VWA3A: variants seen among roughly 807,000 people sequenced by gnomAD.
The protein encoded by VWA3A is von Willebrand factor A domain-containing protein 3A.
A neutral mutation model predicts 160.4 loss-of-function variants in VWA3A; 134 were observed. The ratio of observed to expected loss-of-function variants is 0.84; its 90% CI spans 0.73 to 0.96. VWA3A has a LOEUF of 0.96. Among genes scored for constraint, VWA3A ranks in the 40% least tolerant of loss-of-function variants. The pLI, the probability that VWA3A is intolerant of heterozygous loss-of-function variation, is 0.00. For synonymous variants in VWA3A, 476 were observed against 543.4 expected (o/e 0.88, Z 1.72); for missense variants, 1,310 against 1,447.9 (o/e 0.90, Z 1.55).
In VWA3A at chr16:22,126,297, C is replaced by T. The variant is rs375466343; in HGVS notation, c.1652C>T (p.Ala551Val). The part of the protein sequence containing the change: ...LSNKDCFNLI[A>V]FGSTIESWRP... The stretch of plus-strand genomic sequence containing the variant: ...AACAAGGACTGTTTCAACCTCATCG[C>T]GTATGTGTCTCCTGGCTCCTGGGGG... The change falls in exon 17 of 34, where the codon GCG (alanine) becomes GTG (valine). Residue 551 changes from alanine (A) to valine (V), a missense_variant and splice_region_variant. Transcript: ENST00000389398. 38 of 1,610,666 alleles carry T rather than the reference C, an allele frequency of 2.4e-5. No homozygotes were observed. Among genetic ancestry groups the T allele is most frequent in the East Asian group, 4.5e-5 (2 of 44,788 alleles).
chr16:22,109,419 A>G, intron 6 of VWA3A, 63 bp from the exon 7 acceptor site: 1 of 1,335,796 alleles, frequency 7.5e-7, no homozygotes, highest in East Asian at 2.5e-5. Flanking sequence ...GGCACAGAGC[A>G]GCTCAGTGTA....
chr16:22,121,541 T>C lies in VWA3A; in HGVS notation c.1280T>C (p.Leu427Pro). Reference sequence around the variant, plus strand: ...AAGAAATTAAGTCTATATCAGGTCCTGGCACCCAATGCATTCTCTCCTGTG... The same window carrying C: ...AAGAAATTAAGTCTATATCAGGTCCCGGCACCCAATGCATTCTCTCCTGTG... ...KAKKLSLYQV[L>P]APNAFSPVEE... The change falls in exon 14 of 34, where the codon CTG (leucine) becomes CCG (proline). Residue 427 changes from leucine (L) to proline (P), a missense_variant. Physicochemically the swap from Leu to Pro is moderately conservative, Grantham distance 98. Coordinates refer to ENST00000389398, the MANE Select transcript of VWA3A (RefSeq NM_173615.5). The C allele has an allele frequency of 6.2e-7, 1 of 1,613,762 alleles. No homozygotes were observed.
chr16:22,121,184 A>T (rs1193763161), intron 13 of VWA3A, 81 bp downstream of exon 13: 10 of 1,590,978 alleles, frequency 6.3e-6, no homozygotes, highest in Non-Finnish European at 8.6e-6. Flanking sequence ...AGTGGCTCAC[A>T]CCTGCAATCC....
rs1567220270 is a variant in VWA3A at position 22,140,223 on chromosome 16, A to G, written c.2362A>G (p.Ser788Gly). The change falls in exon 23 of 34, where the codon AGC becomes GGC. Residue 788 changes from serine to glycine, a missense_variant. Physicochemically the swap from Ser to Gly is moderately conservative, Grantham distance 56. Transcript: ENST00000389398. The stretch of plus-strand genomic sequence containing the variant: ...ATCTCTGAAATGGCGTCCACTCAGT[A>G]GCAGAGTTGGCATCTCACCAGGTAA... ...LKSLKWRPLS[S>G]RVGISPAAAQ... The G allele has an allele frequency of 6.2e-7, 1 of 1,613,728 alleles. No homozygotes were observed. Among genetic ancestry groups the G allele is most frequent in the Admixed American group, 1.7e-5 (1 of 59,990 alleles).
rs1250471130 is a variant in VWA3A at position 22,150,748 on chromosome 16, G to A, written c.3183G>A (p.Lys1061=). ...LEGLYLLTDG[K]PDTSCSLVLN... ...GATTGTACCTCCTGACCGACGGAAAGCCAGACACAAGCTGCAGCCTTGTCC... is the reference window on the plus strand; with the variant it reads ...GATTGTACCTCCTGACCGACGGAAAACCAGACACAAGCTGCAGCCTTGTCC... The change falls in exon 30 of 34, where the codon AAG becomes AAA. Residue 1061 remains lysine (K), a synonymous_variant. Coordinates refer to ENST00000389398, the MANE Select transcript of VWA3A (RefSeq NM_173615.5). 1.2e-6 allele frequency: 2 copies of A among 1,612,716 alleles called. No homozygotes were observed. The highest frequency in any genetic ancestry group is 1.7e-5 in the Admixed American group (1 of 59,786).
chr16:22,093,779 G>T (rs1276914100), intron 1 of VWA3A, among the ~76,000 whole-genome samples: 2 of 151,848 alleles, frequency 1.3e-5, no homozygotes, highest in East Asian at 3.9e-4. Flanking sequence ...TTGTTCGTTT[G>T]TTTGAGACAG....
At chr16:22,145,536 G>C (rs1433000694) in intron 26 of VWA3A, among the ~76,000 whole-genome samples, 1 of 151,900 alleles carries the variant, frequency 6.6e-6, no homozygotes, top group Non-Finnish European at 1.5e-5. Flanking sequence ...CTACTCAGGA[G>C]GCTGAGGCAG....
chr16:22,131,400 TG>T, intron 18 of VWA3A, 121 bp downstream of exon 18: 2 of 1,430,624 alleles, frequency 1.4e-6, no homozygotes, highest in South Asian at 1.3e-5. Flanking sequence ...CAAACAGCCA[TG>T]GGCAGAAATC....
At chr16:22,115,901 GGAA>G (rs2045627779) in intron 9 of VWA3A, among the ~76,000 whole-genome samples, 1 of 35,086 alleles carries the variant, frequency 2.9e-5, no homozygotes, top group Non-Finnish European at 4.2e-5. Flanking sequence ...AAGGAAGGAA[GGAA>G]GGAAGGAAGG....
intron 14 of VWA3A, 128 bp downstream of exon 14, chr16:22,121,745 T>A: frequency 1.4e-6 from 1 of 712,760 alleles, no homozygotes; most frequent in Non-Finnish European, 2.4e-6. Flanking sequence ...GACCCTAGAA[T>A]GCACATCAAA....
At chr16:22,107,155 T>C (rs2045493930) in intron 6 of VWA3A, among the ~76,000 whole-genome samples, 1 of 152,164 alleles carries the variant, frequency 6.6e-6, no homozygotes, top group Non-Finnish European at 1.5e-5. Context: ...TTCAAAGTCA[T>C]GACACTCAGA....
chr16:22,115,795 C>T (rs2045620853), intron 9 of VWA3A, among the ~76,000 whole-genome samples: 2 of 144,574 alleles, frequency 1.4e-5, no homozygotes, highest in Admixed American at 1.5e-4. Context: ...TATGATTGTT[C>T]CACTGCCCTG....
At position 22,148,324 on chromosome 16, in the gene VWA3A, A is replaced by G. The variant is rs752633643; in HGVS notation, c.2984+18A>G. Reference sequence around the variant, plus strand: ...TGTGACAGGTAGGAGGCGAGGGCTGATCAGGAAGATCAAAGGGGCAGTTCC... The same window carrying G: ...TGTGACAGGTAGGAGGCGAGGGCTGGTCAGGAAGATCAAAGGGGCAGTTCC... On this transcript the variant is annotated intron_variant, in intron 28 of 33. Transcript: ENST00000389398. The G allele has an allele frequency of 6.3e-7, 1 of 1,579,710 alleles. No individual in the cohort carries two copies. The highest frequency in any genetic ancestry group is 1.8e-5 in the Admixed American group (1 of 54,504).
At position 22,155,623 on chromosome 16, in the gene VWA3A, C is replaced by T. The variant is rs372725818; in HGVS notation, c.3462C>T (p.Ile1154=). ...GDDLRILAQE[I]TKARSFLWQA... ...ATTTAAGGATCCTGGCCCAGGAGAT[C>T]ACCAAGGCCAGAAGCTTCCTCTGGC... Residue 1154 remains isoleucine (I), a synonymous_variant, in exon 32 of 34, where the codon ATC becomes ATT. Coordinates refer to ENST00000389398, the MANE Select transcript of VWA3A (RefSeq NM_173615.5). 173 of 1,613,888 alleles carry T rather than the reference C, an allele frequency of 1.1e-4. No homozygotes were observed. The highest frequency in any genetic ancestry group is 1.3e-4 in the Non-Finnish European group (156 of 1,179,916).
intron 3 of VWA3A, 28 bp from the exon 4 acceptor site, chr16:22,100,166 C>G (rs536650961): frequency 6.6e-7 from 1 of 1,521,122 alleles, no homozygotes; most frequent in Non-Finnish European, 8.8e-7. Context: ...TTCCACTTCA[C>G]GGTTTGACTC....
rs745357092 is a variant in VWA3A at position 22,135,800 on chromosome 16, G to T, written c.2139+1362G>T. Among the ~76,000 whole-genome samples, 16 of 151,772 alleles carry T rather than the reference G, an allele frequency of 1.1e-4. No individual in the cohort carries two copies. The East Asian group carries it at 1.2e-3, about 11-fold the overall frequency. On this transcript the variant is annotated intron_variant, in intron 21 of 33. Transcript: ENST00000389398. ...GGGTTTTGTTTTTTGTTTTTTGGGGGTTTTTTTGAGACAGAGTCTCACTCT... is the reference window on the plus strand; with the variant it reads ...GGGTTTTGTTTTTTGTTTTTTGGGGTTTTTTTTGAGACAGAGTCTCACTCT...
Position 22,116,198 on chromosome 16 carries a change from GAGAA to G in VWA3A, c.816-558_816-555del, listed in dbSNP as rs1458294654. ...CAAAGAATGAAAGAAGGAAAGAAAAGAGAAAGGAAAGAAGGAAGAGAAGGAAGGA... is the reference window on the plus strand; with the variant it reads ...CAAAGAATGAAAGAAGGAAAGAAAAGAGGAAAGAAGGAAGAGAAGGAAGGA... On this transcript the variant is annotated intron_variant, in intron 9 of 33. Transcript: ENST00000389398. 4.4e-5 allele frequency: 15 copies of G among 337,214 alleles called. 1 individual carries two copies. Among genetic ancestry groups the G allele is most frequent in the South Asian group, 2.0e-4 (9 of 44,358 alleles). 20.9% of individuals were successfully genotyped at this position (337,214 alleles called of 1,614,324 possible).
At chr16:22,147,773 C>T (rs956340133) in intron 27 of VWA3A, 8 of 673,388 alleles carry the variant, frequency 1.2e-5, no homozygotes, top group South Asian at 9.8e-5. Flanking sequence ...TAGTATGAAT[C>T]CCCCAGCTCA....
chr16:22,106,339 C>T (rs1341201662), intron 6 of VWA3A, among the ~76,000 whole-genome samples: 3 of 151,912 alleles, frequency 2.0e-5, no homozygotes, highest in Non-Finnish European at 2.9e-5. Context: ...GAGCCGAGAT[C>T]GTGCCACTGC....
Sources: allele counts gnomAD v4.1 joint callset (sites outside exome capture counted in the v4.1 genomes callset), GRCh38; gene constraint gnomAD v4.1.1; transcripts MANE v1.5; gene names NCBI Gene and HGNC (gene_info 2026-07-23, HGNC 2026-07-21).